COL2A1: variants seen among roughly 807,000 people sequenced by gnomAD.
COL2A1 encodes the protein collagen alpha-1(II) chain.
COL2A1 carries 28 observed loss-of-function variants against 204.5 expected under a neutral mutation model. The observed-to-expected ratio is 0.14, with a 90% CI of 0.10 to 0.19. COL2A1 has a LOEUF of 0.19. Among genes scored for constraint, COL2A1 ranks in the 10% least tolerant of loss-of-function variants. The pLI, the probability that COL2A1 is intolerant of heterozygous loss-of-function variation, is 1.00. For synonymous variants in COL2A1, 708 were observed against 718.7 expected (o/e 0.99, Z 0.24); for missense variants, 1,388 against 2,027.5 (o/e 0.68, Z 6.06).
At chr12:47,989,580 C>G (rs1466007744) in intron 17 of COL2A1, among the ~76,000 whole-genome samples, 181 bp downstream of exon 17, 1 of 152,196 alleles carries the variant, frequency 6.6e-6, no homozygotes, top group Non-Finnish European at 1.5e-5. Flanking sequence ...GCCCATGCTT[C>G]AAAGCTTGTT....
rs553304559 is a variant in COL2A1 at position 47,998,889 on chromosome 12, C to T, written c.293-458G>A. On this transcript the variant is annotated intron_variant, in intron 2 of 53. Coordinates refer to ENST00000380518, the MANE Select transcript of COL2A1 (RefSeq NM_001844.5). The stretch of plus-strand genomic sequence containing the variant: ...CTTGAAGCAAGCACAAATAAAAACA[C>T]AAAAACAGCAAGGCATATGAGTTAT... The T allele has an allele frequency of 1.0e-3, 185 of 179,424 alleles. 1 individual carries two copies. Among genetic ancestry groups the T allele is most frequent in the Non-Finnish European group, 1.6e-3 (133 of 84,988 alleles). The allele number at this position is 179,424 out of a possible 1,614,324, so 11.1% of individuals were successfully genotyped here.
chr12:47,980,939 T>C lies in COL2A1; in HGVS notation c.2493A>G (p.Gly831=), dbSNP rs1234731826. The change falls in exon 38 of 54, where the codon GGA becomes GGG. Residue 831 remains glycine (G), a synonymous_variant. Transcript: ENST00000380518. This position sits in a 1 kb window ranked among gnomAD's most constrained non-coding sequence, Gnocchi z 4.5. ...PGERGETGPP[G]PAGFAGPPGA... ...CAGGAGGCCCAGCAAATCCCGCTGG[T>C]CCGGGGGGCCCAGTCTCTCCACGTT... 2 of 1,552,366 alleles carry C rather than the reference T, an allele frequency of 1.3e-6. No individual in the cohort carries two copies. The highest frequency in any genetic ancestry group is 1.7e-6 in the Non-Finnish European group (2 of 1,147,640).
chr12:47,986,651 G>C (rs1320038314), intron 22 of COL2A1, among the ~76,000 whole-genome samples, 184 bp downstream of exon 22: 1 of 152,230 alleles, frequency 6.6e-6, no homozygotes, highest in East Asian at 1.9e-4. Flanking sequence ...GCCAAACCAA[G>C]GATGGGAGCT....
chr12:47,992,963 A>G (rs979085576), intron 15 of COL2A1, 32 bp from the exon 16 acceptor site: 5 of 1,611,930 alleles, frequency 3.1e-6, no homozygotes, highest in Non-Finnish European at 4.2e-6. Context: ...CCTAAGCATG[A>G]GTTGGCTTTA....
In COL2A1 at chr12:47,985,625, C is replaced by T. The variant is rs41317929; in HGVS notation, c.1681-38G>A. The T allele has an allele frequency of 0.063, 100,958 of 1,612,190 alleles. 3,727 individuals carry two copies. Among genetic ancestry groups the T allele is most frequent in the Non-Finnish European group, 0.074 (87,303 of 1,178,586 alleles). On this transcript the variant is annotated intron_variant, in intron 25 of 53. Transcript: ENST00000380518. Reference sequence around the variant, plus strand: ...GAGAGAAGAGGGTGGGGTCAGGAGCCGGCCCCAGGACCTCCCAATCCTGGC... The same window carrying T: ...GAGAGAAGAGGGTGGGGTCAGGAGCTGGCCCCAGGACCTCCCAATCCTGGC...
At position 47,982,525 on chromosome 12, in the gene COL2A1, T is replaced by C; in HGVS notation, c.2278A>G (p.Ile760Val). The C allele has an allele frequency of 6.2e-7, 1 of 1,613,776 alleles. No individual in the cohort carries two copies. ...ACCCTGTCGCCTTTGGGCCCAGCGATACCAGCTGCTCCCCTCTCGCCAGGC... is the reference window on the plus strand; with the variant it reads ...ACCCTGTCGCCTTTGGGCCCAGCGACACCAGCTGCTCCCCTCTCGCCAGGC... The part of the protein sequence containing the change: ...GMPGERGAAG[I>V]AGPKGDRGDV... Residue 760 changes from isoleucine to valine, a missense_variant, in exon 34 of 54, where the codon ATC becomes GTC. Ile to Val is a conservative substitution (Grantham distance 29). Around this residue, in one of 3 missense-constraint regions of COL2A1, gnomAD observed 884 missense variants for 1,415.8 expected, o/e 0.62. Transcript: ENST00000380518.
chr12:47,999,352 T>C (rs566511864), intron 2 of COL2A1, among the ~76,000 whole-genome samples: 1 of 152,218 alleles, frequency 6.6e-6, no homozygotes, highest in Admixed American at 6.5e-5. Context: ...CCCTTCCCTC[T>C]CCTATTATTT....
chr12:47,995,082 C>G (rs1939888122), intron 11 of COL2A1, among the ~76,000 whole-genome samples, 173 bp downstream of exon 11: 2 of 152,302 alleles, frequency 1.3e-5, no homozygotes, highest in South Asian at 4.1e-4. Flanking sequence ...AACTTGCCAG[C>G]ACAGTCACAG....
Position 47,975,353 on chromosome 12 carries a change from T to C in COL2A1, c.3850A>G (p.Arg1284Gly). ...GSRKNPARTC[R>G]DLKLCHPEWK... Reference sequence around the variant, plus strand: ...TCAGGGTGGCAGAGTTTCAGGTCTCTGCAGGTGCGAGCAGGGTTCTTGCGG... The same window carrying C: ...TCAGGGTGGCAGAGTTTCAGGTCTCCGCAGGTGCGAGCAGGGTTCTTGCGG... The change falls in exon 51 of 54, where the codon AGA becomes GGA. Residue 1284 changes from arginine to glycine, a missense_variant. This residue lies in a region of COL2A1 where 303 missense variants were observed against 369.2 expected (regional missense o/e 0.82). Transcript: ENST00000380518. 4 of 1,614,176 alleles carry C rather than the reference T, an allele frequency of 2.5e-6. No individual in the cohort carries two copies. Among genetic ancestry groups the C allele is most frequent in the Non-Finnish European group, 2.5e-6 (3 of 1,180,036 alleles).
chr12:47,982,439 C>A, intron 34 of COL2A1, 63 bp downstream of exon 34: 1 of 1,385,722 alleles, frequency 7.2e-7, no homozygotes, highest in South Asian at 1.2e-5. Flanking sequence ...CGGAAGCGAT[C>A]ACAAGGGGCA....
rs1939482475 is a variant in COL2A1 at position 47,987,392 on chromosome 12, G to C, written c.1222-79C>G. 4.0e-6 allele frequency: 6 copies of C among 1,495,366 alleles called. No homozygotes were observed. The East Asian group carries it at 1.4e-4, about 34-fold the overall frequency. 92.6% of individuals were successfully genotyped at this position (1,495,366 alleles called of 1,614,324 possible). On this transcript the variant is annotated intron_variant, in intron 19 of 53. Transcript: ENST00000380518. This position sits in a 1 kb window ranked among gnomAD's most constrained non-coding sequence, Gnocchi z 4.1. Reference sequence around the variant, plus strand: ...CCAGCCCTCCAGGATCCAGATCCAGGGACCTGGCATAGGTGCTGTCCATTT... The same window carrying C: ...CCAGCCCTCCAGGATCCAGATCCAGCGACCTGGCATAGGTGCTGTCCATTT...
rs1356622208 is a variant in COL2A1, at chr12:48,004,221, G to T, written c.85+16C>A. 7.8e-6 allele frequency: 12 copies of T among 1,531,762 alleles called. No homozygotes were observed. Among genetic ancestry groups the T allele is most frequent in the Non-Finnish European group, 1.1e-5 (12 of 1,129,684 alleles). The allele number at this position is 1,531,762 out of a possible 1,614,324, so 94.9% of individuals were successfully genotyped here. A position where few individuals can be genotyped will look rare whatever the true frequency, so the allele number is the denominator to read the frequency against. On this transcript the variant is annotated intron_variant, in intron 1 of 53. Transcript: ENST00000380518. ...ATGGAAAGCAGGCAGGCAGGCAGGG[G>T]CGGGGGAAGACTTACGGACATCCTG...
chr12:47,992,313 G>GT (rs1191045561), intron 16 of COL2A1, among the ~76,000 whole-genome samples: 2 of 152,232 alleles, frequency 1.3e-5, no homozygotes, highest in East Asian at 3.9e-4. Flanking sequence ...CTGTGTCTCG[G>GT]TTTTTTCATC....
In COL2A1 at chr12:47,980,990, C is replaced by G. The variant is rs553047646; in HGVS notation, c.2464-22G>C. Reference sequence around the variant, plus strand: ...CACCCTGTGAGAGAAGGGGGCATGGCGAGAGGTCAGGCCCCGCTGCCTGAC... The same window carrying G: ...CACCCTGTGAGAGAAGGGGGCATGGGGAGAGGTCAGGCCCCGCTGCCTGAC... On this transcript the variant is annotated intron_variant, in intron 37 of 53. Coordinates refer to ENST00000380518, the MANE Select transcript of COL2A1 (RefSeq NM_001844.5). This position sits in a 1 kb window ranked among gnomAD's most constrained non-coding sequence, Gnocchi z 4.5. The G allele has an allele frequency of 1.3e-6, 2 of 1,549,448 alleles. No individual in the cohort carries two copies. Among genetic ancestry groups the G allele is most frequent in the Admixed American group, 2.0e-5 (1 of 50,982 alleles).
At chr12:47,995,654 G>T in intron 10 of COL2A1, 56 bp downstream of exon 10, 1 of 1,533,220 alleles carries the variant, frequency 6.5e-7, no homozygotes, top group Non-Finnish European at 9.0e-7. Context: ...TGCGGTCCTA[G>T]TGGTCTATCA....
In COL2A1 at chr12:47,973,835, G is replaced by A. The variant is rs555214955; in HGVS notation, c.4317+254C>T. ...ACCGCTTCTTCACCCTGTACACATTGCGAGAACACTTCTACAGTAGTCACT... is the reference window on the plus strand; with the variant it reads ...ACCGCTTCTTCACCCTGTACACATTACGAGAACACTTCTACAGTAGTCACT... On this transcript the variant is annotated intron_variant, in intron 53 of 53. Transcript: ENST00000380518. 2.0e-5 allele frequency among the ~76,000 whole-genome samples: 3 copies of A among 152,244 alleles called. No individual in the cohort carries two copies. In the East Asian group the frequency reaches 5.8e-4, roughly 29 times the overall value.
chr12:47,980,295 CG>C lies in COL2A1; in HGVS notation c.2626-234del, dbSNP rs1938979047. Among the ~76,000 whole-genome samples the C allele has an allele frequency of 6.6e-6, 1 of 152,142 alleles. No homozygotes were observed. Among genetic ancestry groups the C allele is most frequent in the Non-Finnish European group, 1.5e-5 (1 of 68,014 alleles). ...AGAACCGGTCTGGGGTCTGGCCTCC[CG>C]GGAAGCTCTTCCTGCCACCGCCCCC... On this transcript the variant is annotated intron_variant, in intron 39 of 53. Transcript: ENST00000380518. This position sits in a 1 kb window ranked among gnomAD's most constrained non-coding sequence, Gnocchi z 4.5.
intron 41 of COL2A1, 63 bp downstream of exon 41, chr12:47,979,448 T>G: frequency 2.0e-6 from 3 of 1,522,350 alleles, no homozygotes; most frequent in Non-Finnish European, 2.7e-6. Context: ...CCAGACCCTG[T>G]TGGGTGCTGG....
chr12:47,975,965 C>T lies in COL2A1; in HGVS notation c.3595G>A (p.Ala1199Thr). Residue 1199 changes from alanine to threonine, a missense_variant and splice_region_variant, in exon 50 of 54, where the codon GCT becomes ACT. Physicochemically the swap from Ala to Thr is moderately conservative, Grantham distance 58. This residue lies in a region of COL2A1 where 884 missense variants were observed against 1,415.8 expected (regional missense o/e 0.62). Coordinates refer to ENST00000380518, the MANE Select transcript of COL2A1 (RefSeq NM_001844.5). ...AGGGAAGGAGTCAGGACACTTACAG[C>T]AGGGCCGGTTTCGCCTGATCGTCCA... is the stretch of plus-strand genomic sequence containing the variant. ...PRGRSGETGP[A>T]GPPGNPGPPG... The T allele has an allele frequency of 1.2e-6, 2 of 1,611,530 alleles. No individual in the cohort carries two copies. Among genetic ancestry groups the T allele is most frequent in the Non-Finnish European group, 1.7e-6 (2 of 1,177,584 alleles).
Sources: gnomAD v4.1 joint callset for allele counts (sites outside exome capture counted in the v4.1 genomes callset) on GRCh38, gnomAD v4.1.1 for gene constraint, gnomAD v4.1.1 regional missense constraint, Gnocchi (gnomAD v3.1) non-coding constraint, MANE v1.5 for transcripts, NCBI Gene and HGNC (gene_info 2026-07-23, HGNC 2026-07-21) for gene names.